Variants in CALN1 observed in about 807,000 individuals in gnomAD.
CALN1 encodes the protein calcium-binding protein 8.
CALN1 carries 17 observed loss-of-function variants against 30.6 expected under a neutral mutation model. The ratio of observed to expected loss-of-function variants is 0.56; its 90% confidence interval spans 0.38 to 0.83. The LOEUF is 0.83. Among genes scored for constraint, CALN1 ranks in the 40% least tolerant of loss-of-function variants. The pLI is 0.00. For missense variants in CALN1, 291 were observed against 354.9 expected (o/e 0.82, Z 1.45); for synonymous variants, 156 against 131.4 (o/e 1.19, Z -1.28).
chr7:72,370,899 T>A (rs1350076681), intron 2 of CALN1, among the ~76,000 whole-genome samples: 6 of 151,770 alleles, frequency 4.0e-5, no homozygotes, highest in Non-Finnish European at 8.8e-5. Context: ...TACAAAAAAA[T>A]TAGCGGGTTG....
chr7:72,475,608 C>A, the CALN1 span, among the ~76,000 whole-genome samples: 3 of 152,194 alleles, frequency 2.0e-5, no homozygotes, highest in Admixed American at 1.3e-4. Context: ...TTTCACACTG[C>A]TCTGTGAAGA....
At chr7:71,878,312 G>T (rs1022029555) in intron 5 of CALN1, among the ~76,000 whole-genome samples, 2 of 151,886 alleles carry the variant, frequency 1.3e-5, no homozygotes, top group East Asian at 1.9e-4. Flanking sequence ...GGAGGCAGGA[G>T]AATTGCCTGA....
intron 5 of CALN1, among the ~76,000 whole-genome samples, chr7:71,891,702 G>C (rs1003296884): frequency 6.6e-6 from 1 of 151,906 alleles, no homozygotes; most frequent in Non-Finnish European, 1.5e-5. Context: ...CCAGCACTTC[G>C]GGAAGCCAAA....
intron 5 of CALN1, among the ~76,000 whole-genome samples, chr7:71,850,761 T>C (rs975046290): frequency 3.3e-5 from 5 of 152,184 alleles, no homozygotes; most frequent in African/African-American, 7.2e-5. Context: ...CTTAAAAGCA[T>C]AGATTAGTGA....
chr7:71,958,065 C>CAAAAAAAAAAAAAAAAAAAAAAAAA (rs56355838), intron 5 of CALN1, among the ~76,000 whole-genome samples: 1 of 93,870 alleles, frequency 1.1e-5, no homozygotes, highest in Non-Finnish European at 2.1e-5. Context: ...AACTCCATCT[C>CAAAAAAAAAAAAAAAAAAAAAAAAA]AAAAAAAAAA....
At chr7:72,233,525 C>T (rs1007511268) in intron 3 of CALN1, among the ~76,000 whole-genome samples, 4 of 151,676 alleles carry the variant, frequency 2.6e-5, no homozygotes, top group African/African-American at 9.7e-5. Context: ...AGACCAGCAT[C>T]GGCAACATAG....
At chr7:71,972,241 ATTCGTTCTG>A (rs2129526422) in intron 5 of CALN1, among the ~76,000 whole-genome samples, 1 of 152,276 alleles carries the variant, frequency 6.6e-6, no homozygotes, top group Admixed American at 6.5e-5. Flanking sequence ...ATGACATTCA[ATTCGTTCTG>A]AACACCCCAC....
Position 71,826,350 on chromosome 7 carries a change from T to C in CALN1, c.502-15858A>G, listed in dbSNP as rs140199567. Among the ~76,000 whole-genome samples the C allele has an allele frequency of 1.5e-3, 221 of 152,180 alleles. 1 individual carries two copies. The highest frequency in any genetic ancestry group is 5.1e-3 in the African/African-American group (212 of 41,528). On this transcript the variant is annotated intron_variant, in intron 5 of 6. Transcript: ENST00000395275. Reference sequence around the variant, plus strand: ...ATTGAGCACCTATTGACTCCCACAGTCTAGAAGAAATTTTCCACTAACAGC... The same window carrying C: ...ATTGAGCACCTATTGACTCCCACAGCCTAGAAGAAATTTTCCACTAACAGC...
intron 5 of CALN1, among the ~76,000 whole-genome samples, chr7:71,853,744 T>G (rs1186263023): frequency 6.6e-6 from 1 of 152,124 alleles, no homozygotes; most frequent in Non-Finnish European, 1.5e-5. Flanking sequence ...CACACCTGGC[T>G]AATTTTTGTA....
intron 3 of CALN1, among the ~76,000 whole-genome samples, chr7:72,133,002 T>A (rs1012125881): frequency 1.3e-5 from 2 of 152,004 alleles, no homozygotes; most frequent in African/African-American, 4.8e-5. Flanking sequence ...GGGATCTAGG[T>A]TGGGCACTCT....
At chr7:72,171,408 T>C (rs79144319) in intron 3 of CALN1, among the ~76,000 whole-genome samples, 1,893 of 152,206 alleles carry the variant, frequency 0.012, 44 homozygotes, top group African/African-American at 0.043. Flanking sequence ...GAGGACTGCT[T>C]GAGGCAGGAG....
At chr7:72,372,241 C>T (rs544323595) in intron 2 of CALN1, among the ~76,000 whole-genome samples, 1 of 152,212 alleles carries the variant, frequency 6.6e-6, no homozygotes. Flanking sequence ...GTGGTGGGGA[C>T]AGTAGGAACC....
chr7:71,883,696 C>T (rs112871580), intron 5 of CALN1, among the ~76,000 whole-genome samples: 149 of 152,194 alleles, frequency 9.8e-4, no homozygotes, highest in Middle Eastern at 3.4e-3. Context: ...CTGTAAATCC[C>T]GCCCTTAGGT....
intron 3 of CALN1, among the ~76,000 whole-genome samples, chr7:72,116,257 GT>G (rs1807977931): frequency 6.6e-6 from 1 of 152,110 alleles, no homozygotes; most frequent in African/African-American, 2.4e-5. Flanking sequence ...TCCTGCTTTT[GT>G]TTGTTGAAAT....
intron 3 of CALN1, among the ~76,000 whole-genome samples, chr7:72,112,317 G>C (rs377148712): frequency 6.6e-6 from 1 of 152,170 alleles, no homozygotes; most frequent in Non-Finnish European, 1.5e-5. Context: ...TGGTAATGAA[G>C]AACAACAATT....
intron 3 of CALN1, among the ~76,000 whole-genome samples, chr7:72,218,896 G>A (rs779448440): frequency 4.6e-5 from 7 of 152,048 alleles, no homozygotes; most frequent in South Asian, 4.2e-4. Flanking sequence ...TGATCTGGCC[G>A]GCAGGTAAAA....
At chr7:71,985,584 CTTTTTTTTTTTTTTT>C (rs962922789) in intron 5 of CALN1, among the ~76,000 whole-genome samples, 1 of 96,438 alleles carries the variant, frequency 1.0e-5, no homozygotes, top group African/African-American at 3.9e-5. Flanking sequence ...AGGTAGTTTT[CTTTTTTTTTTTTTTT>C]TTTTTTTTGA....
chr7:72,206,107 G>C (rs1272796935), intron 3 of CALN1, among the ~76,000 whole-genome samples: 1 of 152,132 alleles, frequency 6.6e-6, no homozygotes, highest in African/African-American at 2.4e-5. Context: ...TCACCATTTT[G>C]TTTTTGTTTT....
intron 4 of CALN1, among the ~76,000 whole-genome samples, chr7:72,064,294 AAT>A (rs201492202): frequency 0.016 from 2,445 of 151,630 alleles, 51 homozygotes; most frequent in African/African-American, 0.057. Flanking sequence ...AAAAAAAAAA[AAT>A]AATTAATTAA....
Sources: allele counts gnomAD v4.1 joint callset (sites outside exome capture counted in the v4.1 genomes callset), GRCh38; gene constraint gnomAD v4.1.1; transcripts MANE v1.5; gene names NCBI Gene and HGNC (gene_info 2026-07-23, HGNC 2026-07-21).